The following ADGRL2 variants were observed in gnomAD, a reference collection of about 807,000 sequenced individuals.
ADGRL2 encodes the protein adhesion G protein-coupled receptor L2, also known as calcium-independent alpha-latrotoxin receptor 2.
ADGRL2 carries 44 observed loss-of-function variants against 157.4 expected under a neutral mutation model. The ratio of observed to expected loss-of-function variants is 0.28; its 90% CI spans 0.22 to 0.36. The LOEUF (loss-of-function observed/expected upper bound fraction) is 0.36. Ranked by LOEUF, ADGRL2 falls within the 10% of genes least tolerant of loss-of-function variation. The probability of loss-of-function intolerance (pLI) is 1.00; values close to 1 mark genes in which losing one functional copy is unlikely to be tolerated. For missense variants in ADGRL2, 1,510 were observed against 1,768.9 expected (o/e 0.85, Z 2.63); for synonymous variants, 585 against 624.7 (o/e 0.94, Z 0.95).
At chr1:81,640,643 A>G (rs977694077) in intron 3 of ADGRL2, among the ~76,000 whole-genome samples, 3 of 149,916 alleles carry the variant, frequency 2.0e-5, no homozygotes, top group Non-Finnish European at 4.5e-5. Context: ...AAATAAATAA[A>G]TAAATAAATA....
At chr1:81,321,460 G>T (rs1660492445) in intron 1 of ADGRL2, among the ~76,000 whole-genome samples, 1 of 152,104 alleles carries the variant, frequency 6.6e-6, no homozygotes, top group Non-Finnish European at 1.5e-5. Flanking sequence ...ATCATTTCTA[G>T]CTTTTGATTT....
At chr1:81,483,685 TA>T (rs772639249) in intron 2 of ADGRL2, among the ~76,000 whole-genome samples, 8 of 152,158 alleles carry the variant, frequency 5.3e-5, no homozygotes, top group African/African-American at 1.2e-4. Flanking sequence ...GATTAGATTA[TA>T]AAAATGGGAG....
At chr1:81,785,103 G>A (rs1359867801) in intron 2 of ADGRL2, among the ~76,000 whole-genome samples, 1 of 152,112 alleles carries the variant, frequency 6.6e-6, no homozygotes, top group Non-Finnish European at 1.5e-5. Flanking sequence ...TTTCCAGGTT[G>A]TACAGGGAAT....
intron 2 of ADGRL2, among the ~76,000 whole-genome samples, chr1:81,568,719 A>C (rs762157026): frequency 6.6e-6 from 1 of 152,146 alleles, no homozygotes; most frequent in East Asian, 1.9e-4. Flanking sequence ...TTATTTTGCT[A>C]TTTATCTTTT....
chr1:81,950,127 G>T (rs1435121804), intron 6 of ADGRL2, 62 bp from the exon 7 acceptor site: 1 of 1,390,484 alleles, frequency 7.2e-7, no homozygotes, highest in Non-Finnish European at 1.0e-6. Context: ...TTCCATGTGT[G>T]CATGACTGTA....
At chr1:81,730,640 T>C (rs2084689006) in intron 1 of ADGRL2, among the ~76,000 whole-genome samples, 1 of 151,936 alleles carries the variant, frequency 6.6e-6, no homozygotes, top group Non-Finnish European at 1.5e-5. Context: ...CGAGAATTGC[T>C]TGAACCTGGG....
chr1:81,564,656 T>C (rs1557466067), intron 2 of ADGRL2, among the ~76,000 whole-genome samples: 1 of 152,160 alleles, frequency 6.6e-6, no homozygotes, highest in African/African-American at 2.4e-5. Flanking sequence ...ATCTCATCTC[T>C]TGCCATATTC....
chr1:81,852,100 C>G (rs1351022858), intron 2 of ADGRL2, among the ~76,000 whole-genome samples: 3 of 152,016 alleles, frequency 2.0e-5, no homozygotes, highest in African/African-American at 7.2e-5. Flanking sequence ...TTTGAGGTTT[C>G]AGAAGTGCTA....
chr1:81,479,427 G>A (rs1482664159), intron 2 of ADGRL2, among the ~76,000 whole-genome samples: 1 of 152,034 alleles, frequency 6.6e-6, no homozygotes, highest in Admixed American at 6.6e-5. Flanking sequence ...AGGTTACAGT[G>A]AGCCAAGATC....
At chr1:81,371,080 C>A (rs930188645) in intron 1 of ADGRL2, among the ~76,000 whole-genome samples, 3 of 152,112 alleles carry the variant, frequency 2.0e-5, no homozygotes, top group African/African-American at 7.2e-5. Flanking sequence ...GGAATAAGTT[C>A]TCATTTTCTG....
At chr1:81,418,627 G>A (rs571246336) in intron 1 of ADGRL2, among the ~76,000 whole-genome samples, 3 of 152,038 alleles carry the variant, frequency 2.0e-5, no homozygotes, top group South Asian at 2.1e-4. Context: ...GGTGGCAGGC[G>A]CCTGCAGTCC....
Position 81,570,377 on chromosome 1 carries a change from CGTTTGTTT to C in ADGRL2, c.-247-10482_-247-10475del, listed in dbSNP as rs765155539. Among the ~76,000 whole-genome samples, 9 of 152,010 alleles carry C rather than the reference CGTTTGTTT, an allele frequency of 5.9e-5. No individual in the cohort carries two copies. The Middle Eastern group carries it at 0.01, about 172-fold the overall frequency. ...TTTTTAACATGGAGGATATTACATT[CGTTTGTTT>C]GTTTGTTTGTTTGTTTTTGACATGG... On this transcript the variant is annotated intron_variant, in intron 2 of 24. Transcript: ENST00000370721.
chr1:81,357,395 C>T (rs1663395771), intron 1 of ADGRL2, among the ~76,000 whole-genome samples: 1 of 152,204 alleles, frequency 6.6e-6, no homozygotes, highest in South Asian at 2.1e-4. Flanking sequence ...CCTTTATATT[C>T]AGTTGATTGC....
chr1:81,596,247 C>G, intron 3 of ADGRL2: 1 of 579,706 alleles, frequency 1.7e-6, no homozygotes, highest in Non-Finnish European at 3.3e-6. Flanking sequence ...GTCAATGAGT[C>G]GCTTGTGGAT....
chr1:81,787,663 A>G (rs1000041153), intron 2 of ADGRL2, among the ~76,000 whole-genome samples: 2 of 152,166 alleles, frequency 1.3e-5, no homozygotes, highest in Admixed American at 1.3e-4. Context: ...CTCAAAAAAA[A>G]AAGAAAAGTT....
At chr1:81,560,947 C>A (rs558164966) in intron 2 of ADGRL2, among the ~76,000 whole-genome samples, 1 of 152,168 alleles carries the variant, frequency 6.6e-6, no homozygotes, top group Non-Finnish European at 1.5e-5. Context: ...GCACCAGACA[C>A]AATCCCGCCT....
intron 15 of ADGRL2, 67 bp downstream of exon 15, chr1:81,969,454 T>C (rs1046923763): frequency 5.9e-6 from 6 of 1,009,852 alleles, no homozygotes; most frequent in Non-Finnish European, 9.2e-6. Context: ...TGAGGTGACA[T>C]ATGATACTGA....
intron 1 of ADGRL2, among the ~76,000 whole-genome samples, chr1:81,388,662 T>C (rs1427490415): frequency 6.6e-6 from 1 of 152,146 alleles, no homozygotes; most frequent in Non-Finnish European, 1.5e-5. Flanking sequence ...AGGGCACAGA[T>C]AGGAGTAAAC....
At chr1:81,646,931 C>A (rs1233286561) in intron 3 of ADGRL2, among the ~76,000 whole-genome samples, 1 of 152,198 alleles carries the variant, frequency 6.6e-6, no homozygotes, top group African/African-American at 2.4e-5. Context: ...CTTTTATCAA[C>A]TCTTAAGTGG....
Sources: gnomAD v4.1 joint callset for allele counts (sites outside exome capture counted in the v4.1 genomes callset) on GRCh38, gnomAD v4.1.1 for gene constraint, MANE v1.5 for transcripts, NCBI Gene and HGNC (gene_info 2026-07-23, HGNC 2026-07-21) for gene names.